ZFYVE26: variants seen among roughly 807,000 people sequenced by gnomAD.
The protein encoded by ZFYVE26 is zinc finger FYVE domain-containing protein 26.
Under a neutral mutation model 276.5 loss-of-function variants are expected in ZFYVE26, and 181 were observed. That is an observed-to-expected ratio of 0.65 (90% CI 0.58 to 0.74). The LOEUF (loss-of-function observed/expected upper bound fraction) is 0.74. Ranked by LOEUF, ZFYVE26 falls within the 30% of genes least tolerant of loss-of-function variation. The pLI, the probability that ZFYVE26 is intolerant of heterozygous loss-of-function variation, is 0.00. For missense variants in ZFYVE26, 2,821 were observed against 3,097.9 expected (o/e 0.91, Z 2.12); for synonymous variants, 1,129 against 1,203.1 (o/e 0.94, Z 1.27).
intron 3 of ZFYVE26, among the ~76,000 whole-genome samples, chr14:67,812,030 G>A (rs763374319): frequency 6.7e-6 from 1 of 149,022 alleles, no homozygotes; most frequent in Non-Finnish European, 1.5e-5. Flanking sequence ...GTGGTCTAAG[G>A]CCATTCATTC....
At chr14:67,762,063 GAAA>G (rs77615336) in intron 34 of ZFYVE26, 137 bp downstream of exon 34, 1 of 948,224 alleles carries the variant, frequency 1.1e-6, no homozygotes, top group East Asian at 2.6e-5. Flanking sequence ...ATATGTGATG[GAAA>G]AAAAAAATTT....
Position 67,783,513 on chromosome 14 carries a change from A to G in ZFYVE26, c.3639T>C (p.Leu1213=). The G allele has an allele frequency of 6.2e-7, 1 of 1,613,110 alleles. No individual in the cohort carries two copies. The highest frequency in any genetic ancestry group is 8.5e-7 in the Non-Finnish European group (1 of 1,180,000). The stretch of plus-strand genomic sequence containing the variant: ...TTAGGCTGAGATTCTCTTGGGCCAG[A>G]AGGGCTGCCAGTCTGGAAGGAGAGA... ...RQVPPERLAA[L]LAQENLSLSV... is the part of the protein sequence containing the mutation. The change falls in exon 21 of 42, where the codon CTT becomes CTC. Residue 1213 remains leucine, a synonymous_variant. Transcript: ENST00000347230.
chr14:67,815,563 A>G (rs767537606), intron 2 of ZFYVE26: 3 of 623,016 alleles, frequency 4.8e-6, no homozygotes, highest in African/African-American at 1.8e-5. Context: ...CCAGGCTTAC[A>G]TTCAGTTGCA....
intron 14 of ZFYVE26, chr14:67,729,151 A>C (rs753564958): frequency 5.4e-5 from 87 of 1,601,468 alleles, no homozygotes; most frequent in Non-Finnish European, 7.1e-5. Context: ...TCCTGGGCTC[A>C]GAGTGTGTCC....
Position 67,807,665 on chromosome 14 carries a change from G to A in ZFYVE26, c.619C>T (p.Pro207Ser). The A allele has an allele frequency of 6.2e-7, 1 of 1,614,176 alleles. No individual in the cohort carries two copies. Among genetic ancestry groups the A allele is most frequent in the Non-Finnish European group, 8.5e-7 (1 of 1,180,040 alleles). The change falls in exon 5 of 42, where the codon CCT (proline) becomes TCT (serine). Residue 207 changes from proline to serine, a missense_variant. Physicochemically the swap from Pro to Ser is moderately conservative, Grantham distance 74 (BLOSUM62 -1). Coordinates refer to ENST00000347230, the MANE Select transcript of ZFYVE26 (RefSeq NM_015346.4). ...ACTACCCCAGGGGGCACCGAATCAG[G>A]GCCCTGCAAAGCCCGCAATGCCTTT... ...IRKALRALQG[P>S]DSVPPGVVDA...
chr14:67,740,276 T>C (rs991956096), intron 13 of ZFYVE26, among the ~76,000 whole-genome samples: 1 of 152,170 alleles, frequency 6.6e-6, no homozygotes, highest in East Asian at 1.9e-4. Context: ...ACCAATATAA[T>C]TGTATTGAAA....
In ZFYVE26 at chr14:67,759,365, G is replaced by A. The variant is rs1269835738; in HGVS notation, c.6588+2001C>T. Among the ~76,000 whole-genome samples the A allele has an allele frequency of 3.3e-5, 5 of 151,686 alleles. No homozygotes were observed. In the East Asian group the frequency reaches 9.7e-4, roughly 29 times the overall value. ...ATGGTGGCCAGGCGCGGTGGCTCAC[G>A]CCTATAATCCCAGCACTTTGGAAGC... On this transcript the variant is annotated intron_variant, in intron 35 of 41. Coordinates refer to ENST00000347230, the MANE Select transcript of ZFYVE26 (RefSeq NM_015346.4).
rs777566343 is a variant in ZFYVE26 at position 67,782,776 on chromosome 14, T to C, written c.4372+4A>G. The stretch of plus-strand genomic sequence containing the variant: ...GAAAAAGGGAGGCATAGCATTCTGC[T>C]CACCACATGCCACAGCACAGCTCAG... On this transcript the variant is annotated splice_donor_region_variant and intron_variant, in intron 21 of 41. Coordinates refer to ENST00000347230, the MANE Select transcript of ZFYVE26 (RefSeq NM_015346.4). The C allele has an allele frequency of 6.2e-7, 1 of 1,614,018 alleles. No individual in the cohort carries two copies. The highest frequency in any genetic ancestry group is 1.3e-5 in the African/African-American group (1 of 74,918).
downstream of ZFYVE26, among the ~76,000 whole-genome samples, chr14:67,745,148 AT>A (rs548301214): frequency 3.7e-3 from 560 of 152,234 alleles, 1 homozygote; most frequent in Non-Finnish European, 6.4e-3. Context: ...TTTGATTTGC[AT>A]TTCTCTAATA....
intron 13 of ZFYVE26, chr14:67,733,921 C>A: frequency 3.5e-6 from 4 of 1,140,676 alleles, no homozygotes; most frequent in East Asian, 2.4e-5. Context: ...GAAGGCCAAC[C>A]CTAAAGGATT....
At chr14:67,746,269 T>C (rs1249121066), downstream of ZFYVE26, among the ~76,000 whole-genome samples, 2 of 149,730 alleles carry the variant, frequency 1.3e-5, no homozygotes, top group Non-Finnish European at 1.5e-5. Context: ...TATAAACGTA[T>C]TACCTATCTC....
rs762030967 is a variant in ZFYVE26 at position 67,761,254 on chromosome 14, T to C, written c.6588+112A>G. The C allele has an allele frequency of 3.6e-5, 36 of 999,070 alleles. No homozygotes were observed. The African/African-American group carries it at 5.3e-4, about 15-fold the overall frequency. The allele number at this position is 999,070 out of a possible 1,614,324, so 61.9% of individuals were successfully genotyped here. A position where few individuals can be genotyped will look rare whatever the true frequency, so the allele number is the denominator to read the frequency against. On this transcript the variant is annotated intron_variant, in intron 35 of 41. Transcript: ENST00000347230. ...CTTGACTCTGCTAGAGATGGCCCCA[T>C]AGCTCAACACAGGGTTAAGTGTCAG...
chr14:67,776,648 C>T (rs920538276), intron 25 of ZFYVE26, among the ~76,000 whole-genome samples: 3 of 152,190 alleles, frequency 2.0e-5, no homozygotes, highest in Non-Finnish European at 2.9e-5. Context: ...CTAATGAAAC[C>T]TGGCACCTCC....
Position 67,766,450 on chromosome 14 carries a change from G to A in ZFYVE26, c.5791-3C>T, listed in dbSNP as rs1334379838. On this transcript the variant is annotated splice_region_variant and splice_polypyrimidine_tract_variant and intron_variant, in intron 31 of 41. Transcript: ENST00000347230. ...ATGCACAAGGAGGCGCTGGGGGCCT[G>A]GCCGGGGTGGAAGAAGGGAGAACAC... 3.7e-6 allele frequency: 6 copies of A among 1,611,940 alleles called. No individual in the cohort carries two copies. The highest frequency in any genetic ancestry group is 4.2e-6 in the Non-Finnish European group (5 of 1,179,874).
At chr14:67,754,397 G>A (rs998985731) in intron 37 of ZFYVE26, among the ~76,000 whole-genome samples, 185 bp from the exon 38 acceptor site, 3 of 152,222 alleles carry the variant, frequency 2.0e-5, no homozygotes, top group Non-Finnish European at 4.4e-5. Context: ...CTCGTGTCCT[G>A]CACAGACTCA....
intron 10 of ZFYVE26, chr14:67,798,956 C>T (rs552061736): frequency 4.2e-4 from 478 of 1,130,944 alleles, no homozygotes; most frequent in Non-Finnish European, 5.7e-4. Context: ...TCTCGCGCCG[C>T]GGTTTCGGTG....
intron 10 of ZFYVE26, among the ~76,000 whole-genome samples, chr14:67,800,380 C>A: frequency 6.6e-6 from 1 of 152,164 alleles, no homozygotes; most frequent in East Asian, 1.9e-4. Flanking sequence ...GGCCACTGAG[C>A]TTGTCTGAAT....
intron 2 of ZFYVE26, 125 bp from the exon 3 acceptor site, chr14:67,814,189 T>C (rs535540443): frequency 3.9e-6 from 3 of 769,608 alleles, no homozygotes; most frequent in East Asian, 2.8e-5. Context: ...ACTGCCCTAA[T>C]GAGATATTTT....
intron 31 of ZFYVE26, among the ~76,000 whole-genome samples, chr14:67,767,495 C>G (rs1208704263): frequency 6.6e-6 from 1 of 152,026 alleles, no homozygotes; most frequent in Admixed American, 6.6e-5. Context: ...TAAATGCTAC[C>G]TCTTCCACGA....
Sources: gnomAD v4.1 joint callset for allele counts (sites outside exome capture counted in the v4.1 genomes callset) on GRCh38, gnomAD v4.1.1 for gene constraint, MANE v1.5 for transcripts, NCBI Gene and HGNC (gene_info 2026-07-23, HGNC 2026-07-21) for gene names.